Variants in SRCIN1 observed in about 807,000 individuals in gnomAD.
The protein encoded by SRCIN1 is SRC kinase signaling inhibitor 1, also known as P130Cas-associated protein.
SRCIN1 carries 50 observed loss-of-function variants against 116.2 expected under a neutral mutation model. That is an observed-to-expected ratio of 0.43 (90% CI 0.34 to 0.54). SRCIN1 has a LOEUF of 0.54. Among genes scored for constraint, SRCIN1 ranks in the 20% least tolerant of loss-of-function variants. SRCIN1 has a pLI of 0.02. For missense variants in SRCIN1, 1,446 were observed against 1,672.0 expected (o/e 0.86, Z 2.36); for synonymous variants, 736 against 750.0 (o/e 0.98, Z 0.30).
intron 18 of SRCIN1, among the ~76,000 whole-genome samples, chr17:38,540,008 G>A (rs1295760724): frequency 1.6e-5 from 2 of 127,056 alleles, no homozygotes; most frequent in East Asian, 2.3e-4. Context: ...GCAACAGAGC[G>A]AGACTCCATC....
chr17:38,551,013 C>A (rs1229035054), intron 15 of SRCIN1, 142 bp downstream of exon 15: 2 of 542,072 alleles, frequency 3.7e-6, no homozygotes, highest in Admixed American at 3.2e-5. Flanking sequence ...CCTTTAGTGG[C>A]AGCCGATGTC....
At chr17:38,557,289 T>C (rs1310142716) in intron 11 of SRCIN1, among the ~76,000 whole-genome samples, 1 of 152,100 alleles carries the variant, frequency 6.6e-6, no homozygotes, top group Non-Finnish European at 1.5e-5. Flanking sequence ...GCTCCCGGAG[T>C]CACTGGCCAG....
At chr17:38,555,581 T>A (rs1905731469) in intron 11 of SRCIN1, among the ~76,000 whole-genome samples, 1 of 152,088 alleles carries the variant, frequency 6.6e-6, no homozygotes, top group African/African-American at 2.4e-5. Context: ...TCTGGCATTT[T>A]AAAAAAAGGA....
intron 3 of SRCIN1, 48 bp from the exon 4 acceptor site, chr17:38,564,361 C>A (rs775037295): frequency 1.9e-5 from 23 of 1,205,596 alleles, no homozygotes; most frequent in Admixed American, 1.1e-4. Flanking sequence ...AGCACCCCCC[C>A]TCCCCTTTGC....
rs1397586338 is a variant in SRCIN1, at chr17:38,564,114, G to C, written c.541+4C>G. On this transcript the variant is annotated splice_donor_region_variant and intron_variant, in intron 4 of 18. Coordinates refer to ENST00000617146, the MANE Select transcript of SRCIN1 (RefSeq NM_025248.3). The stretch of plus-strand genomic sequence containing the variant: ...GGAGGGAGGGTGGACTGGGCGGGCA[G>C]TACCTGGGGAGCGCAGCTTGGTCTG... 6.3e-7 allele frequency: 1 copy of C among 1,595,168 alleles called. No homozygotes were observed.
At chr17:38,559,529 G>A in intron 10 of SRCIN1, 56 bp downstream of exon 10, 1 of 1,555,282 alleles carries the variant, frequency 6.4e-7, no homozygotes, top group Non-Finnish European at 8.7e-7. Flanking sequence ...CTTGCGGCAA[G>A]GGACTTCTAC....
Position 38,551,379 on chromosome 17 carries a change from C to G in SRCIN1, c.2738G>C (p.Arg913Pro). 1 of 1,609,726 alleles carries G rather than the reference C, an allele frequency of 6.2e-7. No homozygotes were observed. The highest frequency in any genetic ancestry group is 1.1e-5 in the South Asian group (1 of 90,118). ...GGCTGCCCGCTTCTCCTCCCAGTCTCGCTCTGCAGCCTTAACAGGGAGCCA... is the reference window on the plus strand; with the variant it reads ...GGCTGCCCGCTTCTCCTCCCAGTCTGGCTCTGCAGCCTTAACAGGGAGCCA... Reference protein sequence around the residue: ...DKAVSVEAAERDWEEKRAALT... With the variant: ...DKAVSVEAAEPDWEEKRAALT... The change falls in exon 15 of 19, where the codon CGA becomes CCA. Residue 913 changes from arginine (R) to proline (P), a missense_variant. Transcript: ENST00000617146.
intron 18 of SRCIN1, among the ~76,000 whole-genome samples, chr17:38,534,928 C>T (rs1449612121): frequency 6.6e-6 from 1 of 152,096 alleles, no homozygotes; most frequent in African/African-American, 2.4e-5. Context: ...AAGTCAAGAC[C>T]AGCCTGGGTA....
In SRCIN1 at chr17:38,572,013, C is replaced by T. The variant is rs1265543612; in HGVS notation, c.325-3782G>A. On this transcript the variant is annotated intron_variant, in intron 2 of 18. Coordinates refer to ENST00000617146, the MANE Select transcript of SRCIN1 (RefSeq NM_025248.3). The surrounding 1 kb of genome is among the most constrained non-coding windows in gnomAD (Gnocchi z 4.3). ...CTAGGGCCCCTGGGGAGGCTTGGCCCAGCCAGCTGAGGTCTCTTTCCTCCC... is the reference window on the plus strand; with the variant it reads ...CTAGGGCCCCTGGGGAGGCTTGGCCTAGCCAGCTGAGGTCTCTTTCCTCCC... Among the ~76,000 whole-genome samples, 1 of 152,140 alleles carries T rather than the reference C, an allele frequency of 6.6e-6. No individual in the cohort carries two copies. The highest frequency in any genetic ancestry group is 2.4e-5 in the African/African-American group (1 of 41,430).
chr17:38,543,798 T>A (rs1319076197), intron 18 of SRCIN1, 25 bp downstream of exon 18: 1 of 1,598,796 alleles, frequency 6.3e-7, no homozygotes, highest in African/African-American at 1.3e-5. Flanking sequence ...TGGGCCTGGG[T>A]GGCCCCCACA....
At position 38,552,835 on chromosome 17, in the gene SRCIN1, T is replaced by C; in HGVS notation, c.2222A>G (p.Glu741Gly). 1 of 1,613,924 alleles carries C rather than the reference T, an allele frequency of 6.2e-7. No homozygotes were observed. The highest frequency in any genetic ancestry group is 8.5e-7 in the Non-Finnish European group (1 of 1,179,876). The change falls in exon 12 of 19, where the codon GAG becomes GGG. Residue 741 changes from glutamate (E) to glycine (G), a missense_variant. Around this residue, in one of 5 missense-constraint regions of SRCIN1, gnomAD observed 531 missense variants for 633.9 expected, o/e 0.84. Transcript: ENST00000617146. This position sits in a 1 kb window ranked among gnomAD's most constrained non-coding sequence, Gnocchi z 5.3. ...GTGGGACACGTCTCTCTGGATCTTC[T>C]CCACCGATTTCTCCAGGTCACTGCA... ...QQLNDLEKSV[E>G]KIQRDVSHNH...
intron 1 of SRCIN1, among the ~76,000 whole-genome samples, chr17:38,594,218 C>T (rs1908591171): frequency 1.3e-5 from 2 of 152,194 alleles, no homozygotes; most frequent in Non-Finnish European, 2.9e-5. Flanking sequence ...TCTCAAGTCT[C>T]TCCGCGTTCT....
In SRCIN1 at chr17:38,604,190, G is replaced by A. The variant is rs1286985868; in HGVS notation, c.22+1494C>T. On this transcript the variant is annotated intron_variant, in intron 1 of 18. Transcript: ENST00000617146. The surrounding 1 kb of genome is among the most constrained non-coding windows in gnomAD (Gnocchi z 4.3). Reference sequence around the variant, plus strand: ...AGAGTCGGGAAGAAGGTATCCTGACGACCCCCCAAAAGTGCTCAAACCCCA... The same window carrying A: ...AGAGTCGGGAAGAAGGTATCCTGACAACCCCCCAAAAGTGCTCAAACCCCA... Among the ~76,000 whole-genome samples the A allele has an allele frequency of 6.6e-6, 1 of 151,992 alleles. No individual in the cohort carries two copies. Among genetic ancestry groups the A allele is most frequent in the African/African-American group, 2.4e-5 (1 of 41,352 alleles).
intron 1 of SRCIN1, among the ~76,000 whole-genome samples, chr17:38,587,378 C>T (rs1270183748): frequency 6.6e-6 from 1 of 152,042 alleles, no homozygotes; most frequent in Non-Finnish European, 1.5e-5. Flanking sequence ...CTCTCAGACT[C>T]TGGTGGTGAG....
chr17:38,597,979 T>C (rs1908810112), intron 1 of SRCIN1, among the ~76,000 whole-genome samples: 1 of 152,018 alleles, frequency 6.6e-6, no homozygotes, highest in African/African-American at 2.4e-5. Flanking sequence ...GCCTCTCTAA[T>C]AGCCCCTTCC....
intron 18 of SRCIN1, among the ~76,000 whole-genome samples, chr17:38,534,353 GA>G (rs1183000942): frequency 2.0e-5 from 3 of 152,212 alleles, no homozygotes; most frequent in African/African-American, 7.2e-5. Flanking sequence ...GTGGGCTCAT[GA>G]ATGTGCATTT....
At position 38,552,356 on chromosome 17, in the gene SRCIN1, TG is replaced by T; in HGVS notation, c.2480+90del. 1 of 1,490,464 alleles carries T rather than the reference TG, an allele frequency of 6.7e-7. No individual in the cohort carries two copies. Among genetic ancestry groups the T allele is most frequent in the Non-Finnish European group, 8.9e-7 (1 of 1,119,670 alleles). 92.3% of individuals were successfully genotyped at this position (1,490,464 alleles called of 1,614,324 possible). ...GTCCAGTCGGCACGCCAGTGACCTTTGGGGGAGTTGGGGTAAGGGTTCAGTA... is the reference window on the plus strand; with the variant it reads ...GTCCAGTCGGCACGCCAGTGACCTTTGGGGAGTTGGGGTAAGGGTTCAGTA... On this transcript the variant is annotated intron_variant, in intron 13 of 18. Transcript: ENST00000617146. The surrounding 1 kb of genome is among the most constrained non-coding windows in gnomAD (Gnocchi z 5.3).
In SRCIN1 at chr17:38,563,575, C is replaced by G; in HGVS notation, c.542-54G>C. ...ACTGCTGCCGTCTCCACGCCGCCCT[C>G]CAGGAGAGCGCGGGGAGCTTTTCGG... On this transcript the variant is annotated intron_variant, in intron 4 of 18. Coordinates refer to ENST00000617146, the MANE Select transcript of SRCIN1 (RefSeq NM_025248.3). The surrounding 1 kb of genome is among the most constrained non-coding windows in gnomAD (Gnocchi z 5.8). 1 of 1,537,180 alleles carries G rather than the reference C, an allele frequency of 6.5e-7. No individual in the cohort carries two copies. The highest frequency in any genetic ancestry group is 1.2e-5 in the South Asian group (1 of 84,018).
chr17:38,545,252 TC>T, intron 17 of SRCIN1: 1 of 152,976 alleles, frequency 6.5e-6, no homozygotes, highest in Non-Finnish European at 1.5e-5. Flanking sequence ...AAGCTGCTCC[TC>T]GGCCCAGAAG....
Sources: gnomAD v4.1 joint callset for allele counts (sites outside exome capture counted in the v4.1 genomes callset) on GRCh38, gnomAD v4.1.1 for gene constraint, gnomAD v4.1.1 regional missense constraint, Gnocchi (gnomAD v3.1) non-coding constraint, MANE v1.5 for transcripts, NCBI Gene and HGNC (gene_info 2026-07-23, HGNC 2026-07-21) for gene names.